The following DMD variants were observed in gnomAD, a reference collection of about 807,000 sequenced individuals.
The protein encoded by DMD is mutant dystrophin.
In DMD, 63 loss-of-function variants were observed where a neutral mutation model predicts 330.1. That is an observed-to-expected ratio of 0.19 (90% CI 0.16 to 0.24). DMD has a LOEUF of 0.24. Among genes scored for constraint, DMD ranks in the 10% least tolerant of loss-of-function variants. The pLI, the probability that DMD is intolerant of heterozygous loss-of-function variation, is 1.00. For synonymous variants in DMD, 1,223 were observed against 959.8 expected, an observed-to-expected ratio of 1.27 and a Z score of -5.07; for missense variants, 3,344 against 2,684.1, an observed-to-expected ratio of 1.25 and a Z score of -5.43.
intron 43 of DMD, among the ~76,000 whole-genome samples, chrX:32,252,729 T>TATAAATATATATAA: frequency 2.3e-5 from 1 of 43,913 alleles, no homozygotes; most frequent in African/African-American, 1.2e-4. Context: ...TATATAAATA[T>TATAAATATATATAA]ATAAATATAT....
At chrX:31,236,138 C>T (rs771196454) in intron 63 of DMD, among the ~76,000 whole-genome samples, 11 of 112,168 alleles carry the variant, frequency 9.8e-5, no homozygotes, top group East Asian at 2.8e-4. Context: ...AAGCAGCAGT[C>T]GTCTTGGAAC....
chrX:32,134,909 C>T (rs1454322919), intron 44 of DMD, among the ~76,000 whole-genome samples: 5 of 112,014 alleles, frequency 4.5e-5, no homozygotes, highest in Non-Finnish European at 7.5e-5. Context: ...TCTAAGCCTA[C>T]TGCAATAAGA....
intron 20 of DMD, among the ~76,000 whole-genome samples, chrX:32,485,716 C>T (rs867100344): frequency 1.1e-5 from 1 of 94,500 alleles, no homozygotes; most frequent in Non-Finnish European, 2.1e-5. Context: ...CTTCTCCTGA[C>T]CAAACAGGCA....
At chrX:31,731,848 T>G (rs904448058) in intron 51 of DMD, among the ~76,000 whole-genome samples, 1 of 111,695 alleles carries the variant, frequency 9.0e-6, no homozygotes, top group Non-Finnish European at 1.9e-5. Context: ...TTTTAAGATT[T>G]CAAAGTTCAT....
chrX:33,114,906 T>A (rs1470330949), intron 1 of DMD, among the ~76,000 whole-genome samples: 1 of 111,391 alleles, frequency 9.0e-6, no homozygotes, highest in Non-Finnish European at 1.9e-5. Context: ...TTTGGCTAAA[T>A]CTGCCAGCCC....
intron 51 of DMD, among the ~76,000 whole-genome samples, chrX:31,750,555 C>G (rs78652589): frequency 9.0e-6 from 1 of 110,783 alleles, no homozygotes; most frequent in Non-Finnish European, 1.9e-5. Flanking sequence ...TAGCCTTGTA[C>G]TATAGAAGCA....
intron 43 of DMD, among the ~76,000 whole-genome samples, chrX:32,228,445 T>C (rs1273646744): frequency 9.0e-6 from 1 of 111,620 alleles, no homozygotes; most frequent in Non-Finnish European, 1.9e-5. Context: ...AATTTCAATG[T>C]CTTGATTTGG....
At chrX:31,618,150 A>C (rs1233919463) in intron 55 of DMD, among the ~76,000 whole-genome samples, 1 of 109,722 alleles carries the variant, frequency 9.1e-6, no homozygotes, top group East Asian at 2.9e-4. Context: ...GTGACAAAAT[A>C]ATCTGTTCAC....
At chrX:32,298,495 T>C (rs1299910364) in intron 42 of DMD, among the ~76,000 whole-genome samples, 2 of 96,149 alleles carry the variant, frequency 2.1e-5, no homozygotes, top group African/African-American at 8.9e-5. Context: ...ATTATACTTC[T>C]AAGTGAATAT....
intron 44 of DMD, among the ~76,000 whole-genome samples, chrX:32,009,505 T>C (rs1358737799): frequency 1.8e-5 from 2 of 112,409 alleles, no homozygotes; most frequent in Non-Finnish European, 3.8e-5. Flanking sequence ...TGACTACATA[T>C]TCAATGAAAA....
intron 63 of DMD, among the ~76,000 whole-genome samples, chrX:31,242,773 C>T (rs1402556075): frequency 3.7e-5 from 4 of 107,570 alleles, no homozygotes; most frequent in Admixed American, 1.0e-4. Flanking sequence ...TCAGTCATTC[C>T]AACCTAAGAC....
intron 61 of DMD, among the ~76,000 whole-genome samples, chrX:31,342,263 G>A (rs926020440): frequency 6.3e-5 from 7 of 111,505 alleles, no homozygotes; most frequent in Admixed American, 2.9e-4. Flanking sequence ...ATTGGATCAC[G>A]TTTCTACAAC....
chrX:32,680,846 C>T (rs1012767613), intron 9 of DMD, among the ~76,000 whole-genome samples: 1 of 110,973 alleles, frequency 9.0e-6, no homozygotes, highest in South Asian at 3.8e-4. Context: ...TTGTTTTGAA[C>T]AGAAAACCCT....
Position 32,452,479 on chromosome X carries a change from A to C in DMD, c.3603+2183T>G, listed in dbSNP as rs866431155. 7.1e-5 allele frequency among the ~76,000 whole-genome samples: 2 copies of C among 28,119 alleles called. 1 individual carries two copies. Among genetic ancestry groups the C allele is most frequent in the Non-Finnish European group, 1.9e-4 (2 of 10,442 alleles). The allele number at this position is 28,119 out of a possible 115,157, so 24.4% of individuals were successfully genotyped here. On this transcript the variant is annotated intron_variant, in intron 26 of 78. Coordinates refer to ENST00000357033, the MANE Select transcript of DMD (RefSeq NM_004006.3). The stretch of plus-strand genomic sequence containing the variant: ...AGGAAAGGAAAGGAAAGGAAAGGAA[A>C]GGAAAGGAAAGGAAAGGAAAGGAAA...
intron 10 of DMD, 124 bp downstream of exon 10, chrX:32,644,840 C>A: frequency 1.2e-6 from 1 of 850,814 alleles, no homozygotes; most frequent in Non-Finnish European, 1.7e-6. Flanking sequence ...GTTGGAATCC[C>A]AAGCACATCA....
At chrX:32,067,504 C>G (rs2096267197) in intron 44 of DMD, among the ~76,000 whole-genome samples, 1 of 110,637 alleles carries the variant, frequency 9.0e-6, no homozygotes, top group South Asian at 3.8e-4. Context: ...CTTGTCTCCC[C>G]CTTTCCTTTC....
intron 9 of DMD, among the ~76,000 whole-genome samples, chrX:32,651,829 AAAG>A (rs1318152245): frequency 2.7e-5 from 3 of 112,491 alleles, no homozygotes; most frequent in Non-Finnish European, 3.7e-5. Context: ...ATAAACAGAA[AAAG>A]AAGTCAGAAG....
chrX:31,500,174 A>G (rs1243630849), intron 56 of DMD, among the ~76,000 whole-genome samples: 1 of 112,216 alleles, frequency 8.9e-6, no homozygotes, highest in Non-Finnish European at 1.9e-5. Flanking sequence ...GAATGAATTA[A>G]AACAGCATAT....
At chrX:32,938,488 T>C (rs775627090) in intron 2 of DMD, among the ~76,000 whole-genome samples, 3 of 111,324 alleles carry the variant, frequency 2.7e-5, no homozygotes, top group Non-Finnish European at 5.7e-5. Flanking sequence ...GATAAGTCAG[T>C]AACAAGCAAG....
Sources: gnomAD v4.1 joint callset for allele counts (sites outside exome capture counted in the v4.1 genomes callset) on GRCh38, gnomAD v4.1.1 for gene constraint, MANE v1.5 for transcripts, NCBI Gene and HGNC (gene_info 2026-07-23, HGNC 2026-07-21) for gene names.